The following PAM16 variants were observed in gnomAD, a reference collection of about 807,000 sequenced individuals.
PAM16 encodes presequence translocase associated motor 16.
In PAM16, 11 loss-of-function variants were observed where a neutral mutation model predicts 17.9. The ratio of observed to expected loss-of-function variants is 0.62; its 90% CI spans 0.39 to 1.02. PAM16 has a LOEUF of 1.02. Ranked by LOEUF, PAM16 falls within the 50% of genes least tolerant of loss-of-function variation. The pLI is 0.01. For missense variants in PAM16, 199 were observed against 165.4 expected, an observed-to-expected ratio of 1.20 and a Z score of -1.11; for synonymous variants, 72 against 67.4, an observed-to-expected ratio of 1.07 and a Z score of -0.34.
At position 4,341,003 on chromosome 16, in the gene PAM16, C is replaced by T. The variant is rs762051507; in HGVS notation, c.226-18G>A. On this transcript the variant is annotated intron_variant, in intron 3 of 4. Coordinates refer to ENST00000318059, the MANE Select transcript of PAM16 (RefSeq NM_016069.11). Reference sequence around the variant, plus strand: ...TCATAGTTCTGCAGAGGAGAGGGGACGGGTGAGAGGGCTGCAGACTGCAGG... The same window carrying T: ...TCATAGTTCTGCAGAGGAGAGGGGATGGGTGAGAGGGCTGCAGACTGCAGG... 65 of 1,612,648 alleles carry T rather than the reference C, an allele frequency of 4.0e-5. No individual in the cohort carries two copies. The Middle Eastern group carries it at 8.2e-4, about 20-fold the overall frequency.
chr16:4,345,212 C>T (rs1049459547), intron 1 of PAM16: 3 of 152,142 alleles, frequency 2.0e-5, no homozygotes, highest in Admixed American at 6.5e-5. Context: ...TCCCTTTCTT[C>T]CTAGTGCTTT....
At chr16:4,341,296 C>T (rs917397613) in intron 3 of PAM16, 72 bp downstream of exon 3, 1 of 1,522,014 alleles carries the variant, frequency 6.6e-7, no homozygotes, top group South Asian at 1.2e-5. Flanking sequence ...CCTCCCTGGC[C>T]AGGCCTCCCT....
At chr16:4,341,543 C>T (rs1318689521) in intron 2 of PAM16, 39 bp from the exon 3 acceptor site, 2 of 1,573,508 alleles carry the variant, frequency 1.3e-6, no homozygotes, top group East Asian at 4.6e-5. Flanking sequence ...TCCTCAGCAG[C>T]CCACACTTCA....
At chr16:4,345,377 G>T (rs2053740779) in intron 1 of PAM16, 1 of 152,178 alleles carries the variant, frequency 6.6e-6, no homozygotes, top group South Asian at 2.1e-4. Context: ...TGCCTCGGAG[G>T]CAGATCGGAA....
At position 4,341,501 on chromosome 16, in the gene PAM16, C is replaced by T; in HGVS notation, c.92G>A (p.Ser31Asn). 1.9e-6 allele frequency: 3 copies of T among 1,607,464 alleles called. No homozygotes were observed. The highest frequency in any genetic ancestry group is 2.5e-6 in the Non-Finnish European group (3 of 1,178,644). ...ARALRQEFAASRAAADARGRA... is the reference protein window; with the variant it reads ...ARALRQEFAANRAAADARGRA... ...TCCTCGGGCATCAGCTGCGGCCCGG[C>T]TGGCTGTGTGGACATGTGGGTGATC... Residue 31 changes from serine (S) to asparagine (N), a missense_variant, in exon 3 of 5, where the codon AGC becomes AAC. By Grantham distance (46) the Ser-to-Asn change is conservative. Coordinates refer to ENST00000318059, the MANE Select transcript of PAM16 (RefSeq NM_016069.11).
intron 1 of PAM16, among the ~76,000 whole-genome samples, chr16:4,349,590 G>C (rs2053814974): frequency 6.6e-6 from 1 of 151,984 alleles, no homozygotes. Flanking sequence ...AACACAGCAA[G>C]ACCCCACCTC....
At chr16:4,345,875 A>T (rs1042102557) in intron 1 of PAM16, 1 of 985,334 alleles carries the variant, frequency 1.0e-6, no homozygotes, top group Non-Finnish European at 1.2e-6. Flanking sequence ...CAGAGGTGAA[A>T]GTCAGAGGGT....
chr16:4,340,302 C>CGGGGGGGTGGGG lies in PAM16; in HGVS notation c.*16_*17insCCCCACCCCCCC. On this transcript the variant is annotated 3_prime_UTR_variant, in exon 5 of 5. Coordinates refer to ENST00000318059, the MANE Select transcript of PAM16 (RefSeq NM_016069.11). ...TATAAATTAGAGGCGGCGGGGTGGG[C>CGGGGGGGTGGGG]GGGGGGAGCCGAGCAGTCACGTATG... 2 of 1,496,088 alleles carry CGGGGGGGTGGGG rather than the reference C, an allele frequency of 1.3e-6. No homozygotes were observed. The highest frequency in any genetic ancestry group is 9.0e-7 in the Non-Finnish European group (1 of 1,111,464). The allele number at this position is 1,496,088 out of a possible 1,614,324, so 92.7% of individuals were successfully genotyped here.
intron 2 of PAM16, among the ~76,000 whole-genome samples, 157 bp downstream of exon 2, chr16:4,343,050 C>T (rs1372690694): frequency 6.6e-6 from 1 of 152,248 alleles, no homozygotes; most frequent in Non-Finnish European, 1.5e-5. Flanking sequence ...CCAGGTACCA[C>T]TGAAGAATGC....
In PAM16 at chr16:4,343,257, A is replaced by G; in HGVS notation, c.38T>C (p.Val13Ala). ...KYLAQIIVMG[V>A]QVVGRAFARA... ...TGCAAAGGCCCTGCCCACCACCTGCACGCCCATCACAATGATCTGGGCCAG... is the reference window on the plus strand; with the variant it reads ...TGCAAAGGCCCTGCCCACCACCTGCGCGCCCATCACAATGATCTGGGCCAG... Residue 13 changes from valine (V) to alanine (A), a missense_variant, in exon 2 of 5, where the codon GTG becomes GCG. Transcript: ENST00000318059. 6.2e-7 allele frequency: 1 copy of G among 1,612,698 alleles called. No individual in the cohort carries two copies. Among genetic ancestry groups the G allele is most frequent in the South Asian group, 1.1e-5 (1 of 91,058 alleles).
At chr16:4,344,110 C>A in intron 1 of PAM16, 1 of 397,296 alleles carries the variant, frequency 2.5e-6, no homozygotes, top group South Asian at 1.3e-4. Context: ...CCCGCAGAGG[C>A]CCTGGGGACT....
In PAM16 at chr16:4,351,236, G is replaced by A. The variant is rs776152274; in HGVS notation, c.-2C>T. ...AGCGCCCGACTCGGGGCTCACCATG[G>A]CAGCCGCTCTGCCTCCGGGGCTCAA... is the stretch of plus-strand genomic sequence containing the variant. On this transcript the variant is annotated 5_prime_UTR_variant, in exon 1 of 5. Coordinates refer to ENST00000318059, the MANE Select transcript of PAM16 (RefSeq NM_016069.11). The A allele has an allele frequency of 7.4e-5, 109 of 1,466,892 alleles. No homozygotes were observed. The highest frequency in any genetic ancestry group is 9.8e-5 in the Non-Finnish European group (108 of 1,103,734). The allele number at this position is 1,466,892 out of a possible 1,614,324, so 90.9% of individuals were successfully genotyped here.
At chr16:4,343,345 G>T (rs1334631514) in intron 1 of PAM16, 54 bp from the exon 2 acceptor site, 1 of 1,553,240 alleles carries the variant, frequency 6.4e-7, no homozygotes, top group African/African-American at 1.4e-5. Flanking sequence ...GGCCCACAGA[G>T]ATGGGCCCTG....
intron 1 of PAM16, chr16:4,348,522 TGA>T (rs36059893): frequency 0.11 from 17,256 of 152,534 alleles, 1,265 homozygotes; most frequent in African/African-American, 0.2. Context: ...TTTGCTGTTC[TGA>T]GTTCCTCCAC....
At chr16:4,350,775 C>T (rs2053840122) in intron 1 of PAM16, among the ~76,000 whole-genome samples, 1 of 152,184 alleles carries the variant, frequency 6.6e-6, no homozygotes, top group East Asian at 1.9e-4. Context: ...TACGTGCCAA[C>T]GATATCACAC....
At chr16:4,346,393 C>CT (rs1371456157) in intron 1 of PAM16, among the ~76,000 whole-genome samples, 4 of 152,228 alleles carry the variant, frequency 2.6e-5, no homozygotes, top group Admixed American at 6.5e-5. Flanking sequence ...GGCACACAGC[C>CT]TAATGGTACA....
intron 1 of PAM16, chr16:4,343,500 G>A (rs1283688285): frequency 5.6e-6 from 8 of 1,428,538 alleles, no homozygotes; most frequent in African/African-American, 2.9e-5. Context: ...GCAGGCAGGC[G>A]GGTGAACTTG....
At chr16:4,342,297 G>GC (rs1462500333) in intron 2 of PAM16, among the ~76,000 whole-genome samples, 1 of 152,040 alleles carries the variant, frequency 6.6e-6, no homozygotes, top group African/African-American at 2.4e-5. Context: ...GGCAGAGGTT[G>GC]CAGTGAGCCA....
intron 2 of PAM16, among the ~76,000 whole-genome samples, chr16:4,342,326 C>A (rs1482613235): frequency 6.7e-6 from 1 of 150,260 alleles, no homozygotes; most frequent in Non-Finnish European, 1.5e-5. Context: ...CCATTGCACT[C>A]CAGCCTGGGC....
Sources: gnomAD v4.1 joint callset for allele counts (sites outside exome capture counted in the v4.1 genomes callset) on GRCh38, gnomAD v4.1.1 for gene constraint, MANE v1.5 for transcripts, NCBI Gene and HGNC (gene_info 2026-07-23, HGNC 2026-07-21) for gene names.